Variants in ACSS2 observed in about 807,000 individuals in gnomAD.
The protein encoded by ACSS2 is acyl-CoA synthetase short chain family member 2.
A neutral mutation model predicts 90.6 loss-of-function variants in ACSS2; 58 were observed. The observed-to-expected ratio is 0.64, with a 90% CI of 0.52 to 0.80. ACSS2 has a LOEUF of 0.80. Among genes scored for constraint, ACSS2 ranks in the 30% least tolerant of loss-of-function variants. The pLI is 0.00. For synonymous variants in ACSS2, 300 were observed against 330.9 expected, an observed-to-expected ratio of 0.91 and a Z score of 1.01; for missense variants, 759 against 912.0, an observed-to-expected ratio of 0.83 and a Z score of 2.16.
intron 2 of ACSS2, among the ~76,000 whole-genome samples, chr20:34,905,910 A>G (rs1005738655): frequency 5.3e-5 from 8 of 152,240 alleles, no homozygotes; most frequent in Admixed American, 6.5e-5. Flanking sequence ...CTCCTGGTGT[A>G]GAGGAAAGAG....
intron 2 of ACSS2, among the ~76,000 whole-genome samples, chr20:34,911,228 C>T (rs1020266687): frequency 7.2e-6 from 1 of 138,040 alleles, no homozygotes; most frequent in Non-Finnish European, 1.5e-5. Flanking sequence ...ATTCTTGTTG[C>T]CCAGGCTGGA....
At chr20:34,905,069 T>G (rs2147047900) in intron 2 of ACSS2, among the ~76,000 whole-genome samples, 1 of 151,634 alleles carries the variant, frequency 6.6e-6, no homozygotes, top group Admixed American at 6.6e-5. Context: ...AGGCATTAGC[T>G]ACCATGCTTG....
rs777451548 is a variant in ACSS2 at position 34,913,842 on chromosome 20, C to T, written c.643+17C>T. The T allele has an allele frequency of 1.9e-6, 3 of 1,612,036 alleles. No homozygotes were observed. The highest frequency in any genetic ancestry group is 1.7e-5 in the Admixed American group (1 of 60,012). On this transcript the variant is annotated intron_variant, in intron 5 of 17. Coordinates refer to ENST00000360596, the MANE Select transcript of ACSS2 (RefSeq NM_018677.4). Reference sequence around the variant, plus strand: ...TCACTACAGGTGACTAATTCTCTCACCTCTTCTCCAGAACCCCCCATACCT... The same window carrying T: ...TCACTACAGGTGACTAATTCTCTCATCTCTTCTCCAGAACCCCCCATACCT...
chr20:34,914,387 G>T lies in ACSS2; in HGVS notation c.784G>T (p.Asp262Tyr). Reference sequence around the variant, plus strand: ...GGGGCGGGCAGAGCTCGGCATGGGTGACTCCACCAGCCAGTCCCCCCCAAT... The same window carrying T: ...GGGGCGGGCAGAGCTCGGCATGGGTTACTCCACCAGCCAGTCCCCCCCAAT... ...HLGRAELGMG[D>Y]STSQSPPIKR... is the part of the protein sequence containing the mutation. Residue 262 changes from aspartate (D) to tyrosine (Y), a missense_variant, in exon 7 of 18, where the codon GAC becomes TAC. Physicochemically the swap from Asp to Tyr is radical, Grantham distance 160. Transcript: ENST00000360596. 6.2e-7 allele frequency: 1 copy of T among 1,613,852 alleles called. No homozygotes were observed. Among genetic ancestry groups the T allele is most frequent in the Non-Finnish European group, 8.5e-7 (1 of 1,179,928 alleles).
intron 14 of ACSS2, 35 bp downstream of exon 14, chr20:34,923,466 C>A: frequency 6.8e-7 from 1 of 1,465,014 alleles, no homozygotes; most frequent in Non-Finnish European, 9.6e-7. Flanking sequence ...GCACCTCCCA[C>A]TAAGACATGT....
At chr20:34,899,167 T>A (rs1028446523) in intron 2 of ACSS2, among the ~76,000 whole-genome samples, 3 of 152,032 alleles carry the variant, frequency 2.0e-5, no homozygotes, top group Non-Finnish European at 2.9e-5. Context: ...GCAGCCCCGG[T>A]TCCCGCTCGG....
intron 2 of ACSS2, among the ~76,000 whole-genome samples, chr20:34,911,224 G>C (rs1391250483): frequency 8.1e-6 from 1 of 123,450 alleles, no homozygotes; most frequent in Non-Finnish European, 1.7e-5. Flanking sequence ...TTTCATTCTT[G>C]TTGCCCAGGC....
At position 34,876,731 on chromosome 20, in the gene ACSS2, G is replaced by C. The variant is rs771388973; in HGVS notation, c.86G>C (p.Trp29Ser). The C allele has an allele frequency of 5.7e-4, 819 of 1,441,188 alleles. No homozygotes were observed. Among genetic ancestry groups the C allele is most frequent in the Non-Finnish European group, 7.0e-4 (766 of 1,088,390 alleles). 89.3% of individuals were successfully genotyped at this position (1,441,188 alleles called of 1,614,324 possible). Residue 29 changes from tryptophan to serine, a missense_variant, in exon 1 of 18, where the codon TGG becomes TCG. Coordinates refer to ENST00000360596, the MANE Select transcript of ACSS2 (RefSeq NM_018677.4). ...GGAGCCGGAGGCCGGGCGCGGAGTT[G>C]GTCTCCGCCGCCCGAGGTCAGCCGC... Reference protein sequence around the residue: ...EAGAGGRARSWSPPPEVSRSA... With the variant: ...EAGAGGRARSSSPPPEVSRSA...
intron 1 of ACSS2, among the ~76,000 whole-genome samples, chr20:34,878,082 C>T (rs1342291507): frequency 6.6e-6 from 1 of 152,138 alleles, no homozygotes; most frequent in Non-Finnish European, 1.5e-5. Flanking sequence ...TACAGGCGGA[C>T]GCCATGACAC....
At chr20:34,889,039 C>G (rs1251265559) in intron 2 of ACSS2, among the ~76,000 whole-genome samples, 2 of 149,284 alleles carry the variant, frequency 1.3e-5, no homozygotes, top group Non-Finnish European at 3.0e-5. Flanking sequence ...GAGTCTCGCT[C>G]TGTTGCCCAG....
intron 2 of ACSS2, among the ~76,000 whole-genome samples, chr20:34,899,206 T>A (rs531129304): frequency 6.6e-6 from 1 of 152,274 alleles, no homozygotes; most frequent in Non-Finnish European, 1.5e-5. Context: ...CCCTGCAAGC[T>A]GAGGGAGCCA....
Position 34,913,386 on chromosome 20 carries a change from C to G in ACSS2, c.467-7C>G. Reference sequence around the variant, plus strand: ...TCATGGTTCATATTCTGTGCTTTTACCTGCAGGCATTCAGAAGGGGGACCG... The same window carrying G: ...TCATGGTTCATATTCTGTGCTTTTAGCTGCAGGCATTCAGAAGGGGGACCG... On this transcript the variant is annotated splice_region_variant and splice_polypyrimidine_tract_variant and intron_variant, in intron 3 of 17. Coordinates refer to ENST00000360596, the MANE Select transcript of ACSS2 (RefSeq NM_018677.4). 1 of 1,613,348 alleles carries G rather than the reference C, an allele frequency of 6.2e-7. No individual in the cohort carries two copies. Among genetic ancestry groups the G allele is most frequent in the Non-Finnish European group, 8.5e-7 (1 of 1,179,534 alleles).
Position 34,926,172 on chromosome 20 carries a change from T to G in ACSS2, c.1794T>G (p.Ala598=), listed in dbSNP as rs2081314754. 1 of 1,614,116 alleles carries G rather than the reference T, an allele frequency of 6.2e-7. No individual in the cohort carries two copies. The highest frequency in any genetic ancestry group is 8.5e-7 in the Non-Finnish European group (1 of 1,180,040). The change falls in exon 16 of 18, where the codon GCT becomes GCG. Residue 598 remains alanine (A), a synonymous_variant. Coordinates refer to ENST00000360596, the MANE Select transcript of ACSS2 (RefSeq NM_018677.4). ...LVEHEAVAEA[A]VVGHPHPVKG... is the part of the protein sequence containing the mutation. ...AACATGAGGCTGTTGCAGAGGCAGC[T>G]GTGGTGGGCCACCCTCATCCTGTGA... is the stretch of plus-strand genomic sequence containing the variant.
intron 12 of ACSS2, 38 bp downstream of exon 12, chr20:34,921,638 G>C: frequency 1.2e-6 from 2 of 1,614,162 alleles, no homozygotes; most frequent in Non-Finnish European, 1.7e-6. Flanking sequence ...GGGCTAGGCA[G>C]GGATGGTGTC....
In ACSS2 at chr20:34,919,433, A is replaced by G. The variant is rs2081145964; in HGVS notation, c.835-2A>G. On this transcript the variant is annotated splice_acceptor_variant, in intron 7 of 17. Coordinates refer to ENST00000360596, the MANE Select transcript of ACSS2 (RefSeq NM_018677.4). LOFTEE classifies it high-confidence loss of function. ...ACAGTTCTTCCCTGCCCATCCCTGC[A>G]GATCTCATGGAACCAAGGGATTGAC... is the stretch of plus-strand genomic sequence containing the variant. 1.9e-6 allele frequency: 3 copies of G among 1,613,838 alleles called. No homozygotes were observed. The highest frequency in any genetic ancestry group is 1.3e-5 in the African/African-American group (1 of 74,992).
intron 2 of ACSS2, among the ~76,000 whole-genome samples, chr20:34,902,090 A>G (rs895807990): frequency 1.7e-5 from 2 of 115,676 alleles, no homozygotes; most frequent in Non-Finnish European, 4.0e-5. Flanking sequence ...GTTATACTAC[A>G]TTAGTCTACT....
intron 6 of ACSS2, 73 bp from the exon 7 acceptor site, chr20:34,914,250 T>G (rs1375327409): frequency 6.2e-7 from 1 of 1,601,206 alleles, no homozygotes; most frequent in Non-Finnish European, 8.5e-7. Flanking sequence ...CTACCCTAAA[T>G]GGACATGGGT....
intron 2 of ACSS2, among the ~76,000 whole-genome samples, chr20:34,912,219 A>G (rs1211634260): frequency 6.6e-6 from 1 of 152,278 alleles, no homozygotes; most frequent in East Asian, 1.9e-4. Flanking sequence ...GCTAAAGCCT[A>G]GGAAGGAGTG....
At chr20:34,883,550 A>G (rs1321113145) in intron 2 of ACSS2, among the ~76,000 whole-genome samples, 1 of 152,246 alleles carries the variant, frequency 6.6e-6, no homozygotes, top group Non-Finnish European at 1.5e-5. Flanking sequence ...CAGTATAATT[A>G]CAGAGCTTAC....
Sources: gnomAD v4.1 joint callset for allele counts (sites outside exome capture counted in the v4.1 genomes callset) on GRCh38, gnomAD v4.1.1 for gene constraint, MANE v1.5 for transcripts, NCBI Gene and HGNC (gene_info 2026-07-23, HGNC 2026-07-21) for gene names.